ADAM22: variants seen among roughly 807,000 people sequenced by gnomAD.
The protein encoded by ADAM22 is ADAM metallopeptidase domain 22.
ADAM22 carries 65 observed loss-of-function variants against 144.6 expected under a neutral mutation model. The ratio of observed to expected loss-of-function variants is 0.45; its 90% CI spans 0.37 to 0.55. ADAM22 has a LOEUF of 0.55. Ranked by LOEUF, ADAM22 falls within the 20% of genes least tolerant of loss-of-function variation. The pLI, the probability that ADAM22 is intolerant of heterozygous loss-of-function variation, is 0.00. For missense variants in ADAM22, 974 were observed against 1,184.9 expected (o/e 0.82, Z 2.61); for synonymous variants, 391 against 412.6 (o/e 0.95, Z 0.63).
At position 88,196,648 on chromosome 7, in the gene ADAM22, T is replaced by TACC; in HGVS notation, c.*159_*161dup. 1.4e-6 allele frequency: 1 copy of TACC among 739,204 alleles called. No homozygotes were observed. The allele number at this position is 739,204 out of a possible 1,614,324, so 45.8% of individuals were successfully genotyped here. ...GAGGAAGCGGAGTTTCACATCTGGT[T>TACC]ACCATTTTCTTTTTGTCATTGGCTT... On this transcript the variant is annotated 3_prime_UTR_variant, in exon 32 of 32. Coordinates refer to ENST00000413139, the MANE Select transcript of ADAM22 (RefSeq NM_001324418.2).
chr7:88,185,183 A>G (rs1848008080), intron 29 of ADAM22, among the ~76,000 whole-genome samples: 1 of 152,212 alleles, frequency 6.6e-6, no homozygotes, highest in Non-Finnish European at 1.5e-5. Context: ...GGCAATGATT[A>G]TGGCTAAAGG....
At chr7:88,132,797 A>G (rs1832126466) in intron 11 of ADAM22, 70 bp from the exon 12 acceptor site, 2 of 1,222,656 alleles carry the variant, frequency 1.6e-6, no homozygotes, top group Non-Finnish European at 2.4e-6. Context: ...AATGTAGTAA[A>G]CTAATAATGA....
intron 6 of ADAM22, 121 bp downstream of exon 6, chr7:88,114,768 CAT>C (rs2129489796): frequency 2.4e-6 from 2 of 847,316 alleles, no homozygotes; most frequent in Non-Finnish European, 3.6e-6. Flanking sequence ...AGATAGTAAA[CAT>C]ATGTACAGAT....
At chr7:88,173,209 A>T (rs1246612036) in intron 26 of ADAM22, among the ~76,000 whole-genome samples, 1 of 152,014 alleles carries the variant, frequency 6.6e-6, no homozygotes, top group Admixed American at 6.6e-5. Flanking sequence ...ATCGTTAAGA[A>T]CATTTTCACA....
intron 25 of ADAM22, 117 bp downstream of exon 25, chr7:88,168,344 G>A: frequency 9.9e-7 from 1 of 1,006,122 alleles, no homozygotes; most frequent in Non-Finnish European, 1.6e-6. Context: ...ATGAAAATCA[G>A]CTTGGCTCAG....
chr7:88,144,137 TTTG>T (rs1835619601), intron 15 of ADAM22, among the ~76,000 whole-genome samples: 2 of 152,288 alleles, frequency 1.3e-5, no homozygotes, highest in East Asian at 3.9e-4. Flanking sequence ...TCAAGTGGGT[TTTG>T]TTGTTGTTGT....
chr7:87,962,283 G>C lies in ADAM22; in HGVS notation c.247-16053G>C, dbSNP rs138927920. Among the ~76,000 whole-genome samples the C allele has an allele frequency of 2.6e-3, 392 of 152,308 alleles. 2 individuals are homozygous for C. The highest frequency in any genetic ancestry group is 0.022 in the East Asian group (113 of 5,184). On this transcript the variant is annotated intron_variant, in intron 2 of 31. Coordinates refer to ENST00000413139, the MANE Select transcript of ADAM22 (RefSeq NM_001324418.2). ...TTTCACTTTTGGCTAATTACAGTTT[G>C]CAAAATAACTTTTGTTCATGTTATT...
chr7:88,013,118 C>A (rs1301259074), intron 3 of ADAM22, among the ~76,000 whole-genome samples: 1 of 152,190 alleles, frequency 6.6e-6, no homozygotes, highest in Non-Finnish European at 1.5e-5. Context: ...CCACAGTCAG[C>A]CTCCAGCAAA....
intron 2 of ADAM22, among the ~76,000 whole-genome samples, chr7:87,972,303 A>T (rs562251333): frequency 6.6e-6 from 1 of 151,208 alleles, no homozygotes; most frequent in Non-Finnish European, 1.5e-5. Flanking sequence ...ACAAACAGAG[A>T]GCCAAATCAT....
intron 20 of ADAM22, among the ~76,000 whole-genome samples, chr7:88,152,167 GAA>G (rs1351484297): frequency 6.6e-6 from 1 of 152,028 alleles, no homozygotes; most frequent in African/African-American, 2.4e-5. Context: ...TTTGTACTCC[GAA>G]AAAAGATATC....
intron 4 of ADAM22, among the ~76,000 whole-genome samples, chr7:88,078,092 C>G (rs989767875): frequency 6.6e-6 from 1 of 152,220 alleles, no homozygotes; most frequent in Non-Finnish European, 1.5e-5. Context: ...GAGGCACCCC[C>G]CAGTAGGGTC....
chr7:88,083,761 T>C (rs1817641433), intron 4 of ADAM22, among the ~76,000 whole-genome samples: 1 of 152,118 alleles, frequency 6.6e-6, no homozygotes, highest in Non-Finnish European at 1.5e-5. Context: ...GACCTAGATG[T>C]AATAATTATG....
chr7:88,085,715 A>T (rs1271117259), intron 4 of ADAM22, among the ~76,000 whole-genome samples: 1 of 152,228 alleles, frequency 6.6e-6, no homozygotes, highest in Non-Finnish European at 1.5e-5. Flanking sequence ...CAAGAAATAA[A>T]GCTCGGCCAG....
chr7:88,055,680 T>C (rs1414275619), intron 3 of ADAM22, among the ~76,000 whole-genome samples: 4 of 152,184 alleles, frequency 2.6e-5, no homozygotes, highest in Non-Finnish European at 5.9e-5. Flanking sequence ...TCCTTCTCCA[T>C]AGGGAGGGTA....
chr7:88,162,010 G>A (rs960362505), intron 22 of ADAM22, among the ~76,000 whole-genome samples: 7 of 151,560 alleles, frequency 4.6e-5, no homozygotes, highest in Admixed American at 2.0e-4. Flanking sequence ...GCACACGTAT[G>A]TTCATTGCAG....
rs761485238 is a variant in ADAM22, at chr7:88,201,442, AG to A, written c.*4953del. The A allele has an allele frequency of 1.3e-5, 2 of 152,292 alleles. No homozygotes were observed. Among genetic ancestry groups the A allele is most frequent in the Non-Finnish European group, 2.9e-5 (2 of 68,090 alleles). The allele number at this position is 152,292 out of a possible 1,614,324, so 9.4% of individuals were successfully genotyped here. A position where few individuals can be genotyped will look rare whatever the true frequency, so the allele number is the denominator to read the frequency against. On this transcript the variant is annotated 3_prime_UTR_variant, in exon 32 of 32. Coordinates refer to ENST00000413139, the MANE Select transcript of ADAM22 (RefSeq NM_001324418.2). ...GCATAGACACAGAATGGATATTCAC[AG>A]GAAGATTCCTGAGGCCAGATATGCA...
intron 3 of ADAM22, among the ~76,000 whole-genome samples, chr7:87,982,230 GAAAC>G (rs1853728377): frequency 6.6e-6 from 1 of 151,988 alleles, no homozygotes. Flanking sequence ...TCTAGCCAGA[GAAAC>G]AAACAATGAA....
chr7:88,045,891 TGTGTGTGTGTGTG>T (rs1804542887), intron 3 of ADAM22, among the ~76,000 whole-genome samples: 1 of 64,764 alleles, frequency 1.5e-5, no homozygotes, highest in South Asian at 3.3e-4. Flanking sequence ...TATTCTATTG[TGTGTGTGTGTGTG>T]TGTGTGTGTG....
chr7:87,990,226 G>A lies in ADAM22; in HGVS notation c.323+11814G>A, dbSNP rs187313539. ...AAACAGTGATACAGTGTGTAAAGGA[G>A]CATAAAAGAGGTATGGCCAGTGGCA... is the stretch of plus-strand genomic sequence containing the variant. On this transcript the variant is annotated intron_variant, in intron 3 of 31. Coordinates refer to ENST00000413139, the MANE Select transcript of ADAM22 (RefSeq NM_001324418.2). Among the ~76,000 whole-genome samples the A allele has an allele frequency of 4.9e-3, 747 of 152,262 alleles. 4 individuals are homozygous for A. Among genetic ancestry groups the A allele is most frequent in the Middle Eastern group, 0.02 (6 of 294 alleles).
Sources: allele counts gnomAD v4.1 joint callset (sites outside exome capture counted in the v4.1 genomes callset), GRCh38; gene constraint gnomAD v4.1.1; transcripts MANE v1.5; gene names NCBI Gene and HGNC (gene_info 2026-07-23, HGNC 2026-07-21).